The following CARD14 variants were observed in gnomAD, a reference collection of about 807,000 sequenced individuals.
CARD14 encodes caspase recruitment domain-containing protein 14.
CARD14 carries 107 observed loss-of-function variants against 111.5 expected under a neutral mutation model. The observed-to-expected ratio is 0.96, with a 90% CI of 0.82 to 1.13. CARD14 has a LOEUF of 1.13. CARD14 is among the 50% of genes most tolerant of loss of function. CARD14 has a pLI of 0.00. For synonymous variants in CARD14, 617 were observed against 579.6 expected (o/e 1.06, Z -0.93); for missense variants, 1,322 against 1,362.3 (o/e 0.97, Z 0.47).
At chr17:80,185,595 A>ACGCC (rs2040319632) in intron 7 of CARD14, among the ~76,000 whole-genome samples, 1 of 151,998 alleles carries the variant, frequency 6.6e-6, no homozygotes, top group Non-Finnish European at 1.5e-5. Flanking sequence ...TTTGGTATGG[A>ACGCC]CGCCCTGTTT....
At chr17:80,191,237 G>A (rs1463135552) in intron 10 of CARD14, 86 bp from the exon 11 acceptor site, 6 of 1,500,432 alleles carry the variant, frequency 4.0e-6, no homozygotes, top group Non-Finnish European at 4.6e-6. Context: ...TCAGATGAGC[G>A]CAGGCTAGAA....
intron 12 of CARD14, among the ~76,000 whole-genome samples, chr17:80,193,432 G>GGCACAGACAGTCC (rs2040600477): frequency 1.3e-5 from 2 of 149,048 alleles, no homozygotes; most frequent in Admixed American, 1.3e-4. Context: ...TCCCTGGGAT[G>GGCACAGACAGTCC]CCGGCCTCAC....
chr17:80,178,930 G>A (rs1197653079), intron 3 of CARD14, among the ~76,000 whole-genome samples, 174 bp from the exon 4 acceptor site: 2 of 152,156 alleles, frequency 1.3e-5, no homozygotes, highest in Non-Finnish European at 2.9e-5. Flanking sequence ...ATTTTCAATA[G>A]AGACGGGTTT....
At position 80,198,676 on chromosome 17, in the gene CARD14, TC is replaced by T; in HGVS notation, c.1851+90del. 6.2e-7 allele frequency: 1 copy of T among 1,606,206 alleles called. No homozygotes were observed. The stretch of plus-strand genomic sequence containing the variant: ...TGGGGTGACCCAGGCAGACTTCACC[TC>T]CCCCAGACGATGCAGATCCACTCTG... On this transcript the variant is annotated intron_variant, in intron 16 of 23. Transcript: ENST00000648509. This position sits in a 1 kb window ranked among gnomAD's most constrained non-coding sequence, Gnocchi z 7.5.
At position 80,209,290 on chromosome 17, in the gene CARD14, G is replaced by C; in HGVS notation, c.*945G>C. 1.0e-6 allele frequency: 1 copy of C among 983,412 alleles called. No individual in the cohort carries two copies. The highest frequency in any genetic ancestry group is 1.2e-6 in the Non-Finnish European group (1 of 828,094). 60.9% of individuals were successfully genotyped at this position (983,412 alleles called of 1,614,324 possible). A position where few individuals can be genotyped will look rare whatever the true frequency, so the allele number is the denominator to read the frequency against. The stretch of plus-strand genomic sequence containing the variant: ...ATCATCATAAATGAGTTCAGAAAAA[G>C]AACTTCTGTATATTTTACTAAAATA... On this transcript the variant is annotated 3_prime_UTR_variant, in exon 24 of 24. Coordinates refer to ENST00000648509, the MANE Select transcript of CARD14 (RefSeq NM_001366385.1).
Position 80,195,441 on chromosome 17 carries a change from C to A in CARD14, c.1499+108C>A. The A allele has an allele frequency of 1.3e-6, 2 of 1,501,450 alleles. No homozygotes were observed. The highest frequency in any genetic ancestry group is 1.8e-6 in the Non-Finnish European group (2 of 1,116,282). The allele number at this position is 1,501,450 out of a possible 1,614,324, so 93.0% of individuals were successfully genotyped here. Reference sequence around the variant, plus strand: ...CAGGGCATCTGGGTATTGCAGGCAGCAGCTCCTGCCCTCGAAGCCCCAGAG... The same window carrying A: ...CAGGGCATCTGGGTATTGCAGGCAGAAGCTCCTGCCCTCGAAGCCCCAGAG... On this transcript the variant is annotated intron_variant, in intron 13 of 23. Coordinates refer to ENST00000648509, the MANE Select transcript of CARD14 (RefSeq NM_001366385.1). The surrounding 1 kb of genome is among the most constrained non-coding windows in gnomAD (Gnocchi z 4.7).
chr17:80,204,456 T>TC, intron 20 of CARD14, 115 bp downstream of exon 20: 4 of 1,015,578 alleles, frequency 3.9e-6, no homozygotes, highest in Non-Finnish European at 5.6e-6. Flanking sequence ...TAGGCCAGGA[T>TC]CTGGTCTTCA....
At position 80,205,086 on chromosome 17, in the gene CARD14, C is replaced by T. The variant is rs2041213254; in HGVS notation, c.2450C>T (p.Thr817Ile). The T allele has an allele frequency of 6.2e-7, 1 of 1,613,054 alleles. No homozygotes were observed. Among genetic ancestry groups the T allele is most frequent in the Non-Finnish European group, 8.5e-7 (1 of 1,179,674 alleles). Residue 817 changes from threonine to isoleucine, a missense_variant, in exon 21 of 24, where the codon ACC becomes ATC. Thr to Ile is a moderately conservative substitution (Grantham distance 89). Coordinates refer to ENST00000648509, the MANE Select transcript of CARD14 (RefSeq NM_001366385.1). Reference sequence around the variant, plus strand: ...AGCTGCCTCACCCTGGTGCCCTATACCCTGGTGCGGCCCCATCGACCCGCC... The same window carrying T: ...AGCTGCCTCACCCTGGTGCCCTATATCCTGGTGCGGCCCCATCGACCCGCC... ...AESCLTLVPY[T>I]LVRPHRPARP...
chr17:80,182,821 G>T lies in CARD14; in HGVS notation c.349+31G>T, dbSNP rs1488053377. The T allele has an allele frequency of 1.2e-6, 2 of 1,613,198 alleles. No individual in the cohort carries two copies. The highest frequency in any genetic ancestry group is 1.3e-5 in the African/African-American group (1 of 74,874). On this transcript the variant is annotated intron_variant, in intron 6 of 23. Coordinates refer to ENST00000648509, the MANE Select transcript of CARD14 (RefSeq NM_001366385.1). This position sits in a 1 kb window ranked among gnomAD's most constrained non-coding sequence, Gnocchi z 4.7. ...AGCTCCGACTTTGACGGTTTGGCAG[G>T]CACTTCTAGGAACCTCAGGCTCCTG...
rs755278513 is a variant in CARD14 at position 80,203,855 on chromosome 17, C to CTATGAGGGCCCTCATCCAGGACT, written c.2253_2254insTATGAGGGCCCTCATCCAGGACT (p.Met752TyrfsTer9). ...AGCAGCTCATAGCCCTCATCCAGGA[C>CTATGAGGGCCCTCATCCAGGACT]ATGACTCAGCAGTGCACCGTGACCC... On this transcript the variant is annotated frameshift_variant, in exon 19 of 24. Transcript: ENST00000648509. LOFTEE classifies it high-confidence loss of function. This position sits in a 1 kb window ranked among gnomAD's most constrained non-coding sequence, Gnocchi z 4.6. 6.3e-7 allele frequency: 1 copy of CTATGAGGGCCCTCATCCAGGACT among 1,595,246 alleles called. No homozygotes were observed.
chr17:80,186,864 A>G (rs2040360463), intron 7 of CARD14, among the ~76,000 whole-genome samples: 1 of 152,134 alleles, frequency 6.6e-6, no homozygotes. Flanking sequence ...GCCTCCTTTT[A>G]GAGAACAAGA....
chr17:80,188,534 C>A lies in CARD14; in HGVS notation c.833C>A (p.Thr278Asn), dbSNP rs751778974. 1.3e-6 allele frequency: 2 copies of A among 1,511,406 alleles called. No individual in the cohort carries two copies. The highest frequency in any genetic ancestry group is 1.8e-6 in the Non-Finnish European group (2 of 1,128,392). 93.6% of individuals were successfully genotyped at this position (1,511,406 alleles called of 1,614,324 possible). A position where few individuals can be genotyped will look rare whatever the true frequency, so the allele number is the denominator to read the frequency against. ...GAGAATGAGAAACTGCGCTCGCTGA[C>A]TTTCAGCCTGGTAGGTTCCGGTCCC... ...KEENEKLRSL[T>N]FSLAEKDILE... The change falls in exon 8 of 24, where the codon ACT (threonine) becomes AAT (asparagine). Residue 278 changes from threonine (T) to asparagine (N), a missense_variant. Coordinates refer to ENST00000648509, the MANE Select transcript of CARD14 (RefSeq NM_001366385.1). This position sits in a 1 kb window ranked among gnomAD's most constrained non-coding sequence, Gnocchi z 4.5.
chr17:80,197,674 C>T, intron 14 of CARD14: 1 of 217,952 alleles, frequency 4.6e-6, no homozygotes, highest in Non-Finnish European at 9.4e-6. Flanking sequence ...TGCGGAAATG[C>T]AGCCCCAGGG....
chr17:80,193,602 G>A (rs1315176613), intron 12 of CARD14, among the ~76,000 whole-genome samples: 3 of 152,164 alleles, frequency 2.0e-5, no homozygotes, highest in Non-Finnish European at 2.9e-5. Context: ...GGTGAGAGGC[G>A]GGCGAGGCTG....
intron 1 of CARD14, among the ~76,000 whole-genome samples, chr17:80,171,740 T>G (rs1048249077): frequency 7.9e-5 from 12 of 152,114 alleles, no homozygotes; most frequent in Non-Finnish European, 1.2e-4. Context: ...TCTGGAGAGT[T>G]CTGCAGAGCC....
At position 80,198,325 on chromosome 17, in the gene CARD14, A is replaced by G; in HGVS notation, c.1659-74A>G. On this transcript the variant is annotated intron_variant, in intron 15 of 23. Coordinates refer to ENST00000648509, the MANE Select transcript of CARD14 (RefSeq NM_001366385.1). The surrounding 1 kb of genome is among the most constrained non-coding windows in gnomAD (Gnocchi z 7.5). The stretch of plus-strand genomic sequence containing the variant: ...ATTCCAGAACACTGGGGCCAGAGGG[A>G]AGCAATGGGGAGGTGGCCTTGCCGG... The G allele has an allele frequency of 6.4e-7, 1 of 1,562,570 alleles. No homozygotes were observed. The highest frequency in any genetic ancestry group is 8.7e-7 in the Non-Finnish European group (1 of 1,151,074).
At chr17:80,190,051 C>T (rs1041734454) in intron 9 of CARD14, among the ~76,000 whole-genome samples, 179 bp downstream of exon 9, 1 of 152,136 alleles carries the variant, frequency 6.6e-6, no homozygotes, top group African/African-American at 2.4e-5. Context: ...CCGACTCGCA[C>T]CCCACAGCTA....
At chr17:80,174,123 A>G (rs191049062) in intron 2 of CARD14, among the ~76,000 whole-genome samples, 176 of 152,274 alleles carry the variant, frequency 1.2e-3, no homozygotes, top group African/African-American at 4.2e-3. Flanking sequence ...GGAGTGCTTG[A>G]GCCCAGGAGT....
chr17:80,203,782 C>G lies in CARD14; in HGVS notation c.2220-40C>G, dbSNP rs1220235122. ...GCTCTCCCCTGCCCTGCTCACCTGGCAGGAGGCAGCTGGGTCAGGGCCTCT... is the reference window on the plus strand; with the variant it reads ...GCTCTCCCCTGCCCTGCTCACCTGGGAGGAGGCAGCTGGGTCAGGGCCTCT... On this transcript the variant is annotated intron_variant, in intron 18 of 23. Transcript: ENST00000648509. This position sits in a 1 kb window ranked among gnomAD's most constrained non-coding sequence, Gnocchi z 4.6. 2 of 1,526,960 alleles carry G rather than the reference C, an allele frequency of 1.3e-6. No individual in the cohort carries two copies. Among genetic ancestry groups the G allele is most frequent in the Admixed American group, 2.0e-5 (1 of 50,112 alleles). The allele number at this position is 1,526,960 out of a possible 1,614,324, so 94.6% of individuals were successfully genotyped here. A position where few individuals can be genotyped will look rare whatever the true frequency, so the allele number is the denominator to read the frequency against.
Sources: gnomAD v4.1 joint callset for allele counts (sites outside exome capture counted in the v4.1 genomes callset) on GRCh38, gnomAD v4.1.1 for gene constraint, Gnocchi (gnomAD v3.1) non-coding constraint, MANE v1.5 for transcripts, NCBI Gene and HGNC (gene_info 2026-07-23, HGNC 2026-07-21) for gene names.